Variants in CIROZ observed in about 807,000 individuals in gnomAD.
CIROZ encodes the protein ciliated left-right organizer ZP-N domains-containing protein.
the CIROZ span, among the ~76,000 whole-genome samples, chr1:10,975,575 C>T: frequency 1.5e-3 from 214 of 145,550 alleles, no homozygotes; most frequent in Admixed American, 2.3e-3. Context: ...GGCAACAAAG[C>T]GAGACTCTGT....
the CIROZ span, among the ~76,000 whole-genome samples, chr1:10,952,596 C>G: frequency 6.6e-6 from 1 of 152,180 alleles, no homozygotes; most frequent in Non-Finnish European, 1.5e-5. Context: ...GTGGCACAAT[C>G]TCAGCTCACT....
the CIROZ span, among the ~76,000 whole-genome samples, chr1:10,947,066 G>A: frequency 6.6e-6 from 1 of 152,166 alleles, no homozygotes; most frequent in Admixed American, 6.5e-5. Flanking sequence ...AATGCTCTAC[G>A]TTCCTTTCCC....
At chr1:10,961,297 G>C in the CIROZ span, among the ~76,000 whole-genome samples, 29 of 152,138 alleles carry the variant, frequency 1.9e-4, 1 homozygote, top group Admixed American at 1.8e-3. Context: ...GGCGGGGCCG[G>C]CCCCGCAATT....
the CIROZ span, among the ~76,000 whole-genome samples, chr1:10,951,380 C>T: frequency 6.6e-6 from 1 of 152,038 alleles, no homozygotes; most frequent in Non-Finnish European, 1.5e-5. Context: ...GCCTGATCAA[C>T]ATGGTGAAAC....
chr1:10,979,916 G>A, the CIROZ span, among the ~76,000 whole-genome samples: 4 of 152,138 alleles, frequency 2.6e-5, no homozygotes, highest in East Asian at 1.9e-4. Flanking sequence ...GTGCGGTGGC[G>A]CATGCCTGTA....
chr1:10,971,685 G>A, the CIROZ span, among the ~76,000 whole-genome samples: 1 of 152,090 alleles, frequency 6.6e-6, no homozygotes, highest in African/African-American at 2.4e-5. Flanking sequence ...TTACCTAGTT[G>A]TTTGTGAGAT....
the CIROZ span, among the ~76,000 whole-genome samples, chr1:10,955,669 C>T: frequency 1.7e-3 from 253 of 151,938 alleles, no homozygotes; most frequent in Non-Finnish European, 2.1e-3. Context: ...ATGGTGAAAC[C>T]CCATCTCTAC....
chr1:10,954,869 A>G, the CIROZ span: 1 of 1,098,260 alleles, frequency 9.1e-7, no homozygotes. Context: ...CTGGGATTAC[A>G]GGCACGAGCC....
At chr1:10,978,334 C>T in the CIROZ span, among the ~76,000 whole-genome samples, 2 of 151,560 alleles carry the variant, frequency 1.3e-5, no homozygotes, top group Non-Finnish European at 2.9e-5. Context: ...CAGGCGTGAG[C>T]CACTGCACCG....
At chr1:10,974,325 C>T in the CIROZ span, among the ~76,000 whole-genome samples, 47,132 of 151,614 alleles carry the variant, frequency 0.31, 8,628 homozygotes, top group African/African-American at 0.52. The surrounding 1 kb of genome is among the most constrained non-coding windows in gnomAD (Gnocchi z 4.4). Context: ...CACAGGAAGA[C>T]GAGCGCAGAG....
the CIROZ span, among the ~76,000 whole-genome samples, chr1:10,951,435 C>T: frequency 1.3e-5 from 2 of 151,294 alleles, no homozygotes; most frequent in Non-Finnish European, 2.9e-5. Context: ...TGGTGGCGGG[C>T]ACTTGTAATC....
chr1:10,964,204 C>A, the CIROZ span: 1 of 1,614,196 alleles, frequency 6.2e-7, no homozygotes, highest in Non-Finnish European at 8.5e-7. Context: ...CATTATGTAG[C>A]GATCACTCCG....
chr1:10,957,800 G>A, the CIROZ span: 6 of 1,573,726 alleles, frequency 3.8e-6, no homozygotes, highest in South Asian at 3.5e-5. Flanking sequence ...AGGGAGGCAC[G>A]GTCACTAGGG....
At chr1:10,953,830 T>C in the CIROZ span, among the ~76,000 whole-genome samples, 2 of 152,200 alleles carry the variant, frequency 1.3e-5, no homozygotes, top group African/African-American at 4.8e-5. Context: ...TCAGTTCTCA[T>C]GATACTGTTG....
the CIROZ span, chr1:10,949,629 C>G: frequency 1.2e-6 from 2 of 1,601,264 alleles, no homozygotes; most frequent in Non-Finnish European, 1.7e-6. Flanking sequence ...CGTGCTTTGG[C>G]CAGTGCGTCG....
At chr1:10,973,345 C>A in the CIROZ span, among the ~76,000 whole-genome samples, 1 of 152,098 alleles carries the variant, frequency 6.6e-6, no homozygotes, top group African/African-American at 2.4e-5. Context: ...TGCACTCCAG[C>A]CTGGATGGCA....
the CIROZ span, chr1:10,954,035 G>A: frequency 1.9e-6 from 3 of 1,612,626 alleles, no homozygotes; most frequent in Non-Finnish European, 2.5e-6. Context: ...ACTGGAAGAA[G>A]CTCTCCACTG....
the CIROZ span, among the ~76,000 whole-genome samples, chr1:10,958,463 C>G: frequency 6.6e-6 from 1 of 152,210 alleles, no homozygotes; most frequent in Non-Finnish European, 1.5e-5. Context: ...TCCAACCCAG[C>G]CTCCCACCCA....
chr1:10,948,628 T>C, the CIROZ span: 14,498 of 1,613,772 alleles, frequency 9.0e-3, 629 homozygotes, highest in African/African-American at 0.12. Flanking sequence ...GCCGGGTGCG[T>C]TGGCAAGACT....
Sources: allele counts gnomAD v4.1 joint callset (sites outside exome capture counted in the v4.1 genomes callset), GRCh38; gene constraint gnomAD v4.1.1; non-coding constraint Gnocchi (gnomAD v3.1); transcripts MANE v1.5; gene names NCBI Gene and HGNC (gene_info 2026-07-23, HGNC 2026-07-21).